SPATA13: variants seen among roughly 807,000 people sequenced by gnomAD.
SPATA13 encodes spermatogenesis-associated protein 13.
SPATA13 carries 50 observed loss-of-function variants against 104.0 expected under a neutral mutation model. The observed-to-expected ratio is 0.48, with a 90% CI of 0.38 to 0.61. The LOEUF (loss-of-function observed/expected upper bound fraction) is 0.61. Among genes scored for constraint, SPATA13 ranks in the 20% least tolerant of loss-of-function variants. The pLI is 0.00. For synonymous variants in SPATA13, 606 were observed against 667.5 expected, an observed-to-expected ratio of 0.91 and a Z score of 1.42; for missense variants, 1,524 against 1,690.6, an observed-to-expected ratio of 0.90 and a Z score of 1.73.
chr13:24,139,895 G>A (rs952380121), intron 3 of SPATA13, among the ~76,000 whole-genome samples: 7 of 152,052 alleles, frequency 4.6e-5, no homozygotes, highest in South Asian at 2.1e-4. Flanking sequence ...GTGAAACCCT[G>A]TCTCTACTAA....
Position 24,225,972 on chromosome 13 carries a change from T to A in SPATA13, c.1653+1390T>A, listed in dbSNP as rs181386950. On this transcript the variant is annotated intron_variant, in intron 2 of 12. Transcript: ENST00000382108. ...AGGGTGAGCAAGGCTGAGAAGAGCTTTATTGGGTGACTGAACAACTCTCAG... is the reference window on the plus strand; with the variant it reads ...AGGGTGAGCAAGGCTGAGAAGAGCTATATTGGGTGACTGAACAACTCTCAG... Among the ~76,000 whole-genome samples, 8 of 152,254 alleles carry A rather than the reference T, an allele frequency of 5.3e-5. No individual in the cohort carries two copies. The East Asian group carries it at 7.7e-4, about 15-fold the overall frequency.
At chr13:24,149,111 G>A (rs770710834) in intron 3 of SPATA13, among the ~76,000 whole-genome samples, 1 of 152,214 alleles carries the variant, frequency 6.6e-6, no homozygotes, top group Non-Finnish European at 1.5e-5. Flanking sequence ...GAAGCCATGG[G>A]GCAGATGAAA....
upstream of SPATA13, among the ~76,000 whole-genome samples, chr13:24,158,419 T>TCTACG (rs1448869190): frequency 6.6e-6 from 1 of 152,168 alleles, no homozygotes; most frequent in African/African-American, 2.4e-5. Context: ...GAAGGAAATT[T>TCTACG]AGCTATTGCT....
chr13:24,270,278 G>A (rs1240568824), intron 4 of SPATA13, among the ~76,000 whole-genome samples: 1 of 152,140 alleles, frequency 6.6e-6, no homozygotes, highest in Non-Finnish European at 1.5e-5. Context: ...ACCTTTACAT[G>A]TATGCCTTTA....
chr13:24,147,082 A>G (rs530620287), intron 3 of SPATA13, among the ~76,000 whole-genome samples: 23 of 152,334 alleles, frequency 1.5e-4, no homozygotes, highest in Admixed American at 6.5e-4. Flanking sequence ...CCAAGCATGC[A>G]TTGGATGGAA....
intron 4 of SPATA13, among the ~76,000 whole-genome samples, chr13:24,267,614 CA>C (rs905308143): frequency 6.0e-5 from 9 of 150,306 alleles, no homozygotes; most frequent in East Asian, 1.9e-4. Flanking sequence ...TGATTTTAAC[CA>C]AAAAAAAAAT....
Position 24,223,116 on chromosome 13 carries a change from C to T in SPATA13, c.187C>T (p.Gln63Ter). 1 of 1,551,744 alleles carries T rather than the reference C, an allele frequency of 6.4e-7. No homozygotes were observed. The highest frequency in any genetic ancestry group is 8.7e-7 in the Non-Finnish European group (1 of 1,147,010). ...GCSPGGDTDT[Q>*]EAKLSPAKLV... Reference sequence around the variant, plus strand: ...CAGCCCTGGTGGCGACACGGACACCCAGGAAGCCAAACTCAGCCCAGCCAA... The same window carrying T: ...CAGCCCTGGTGGCGACACGGACACCTAGGAAGCCAAACTCAGCCCAGCCAA... Residue 63 changes from glutamine (Q) to a stop codon, truncating the protein, a stop_gained, in exon 2 of 13, where the codon CAG becomes TAG. Transcript: ENST00000382108. LOFTEE classifies it high-confidence loss of function.
chr13:24,176,396 CT>C (rs1315250439), intron 1 of SPATA13, among the ~76,000 whole-genome samples: 3 of 152,184 alleles, frequency 2.0e-5, no homozygotes, highest in Non-Finnish European at 4.4e-5. Context: ...TGGTCTATTA[CT>C]TTTCATGTAA....
At chr13:24,171,676 A>C (rs1882975316) in intron 1 of SPATA13, among the ~76,000 whole-genome samples, 1 of 152,214 alleles carries the variant, frequency 6.6e-6, no homozygotes. Context: ...AGGTTTGGCT[A>C]TTCAAGAAAA....
intron 3 of SPATA13, among the ~76,000 whole-genome samples, chr13:24,149,426 T>C (rs932657946): frequency 2.6e-5 from 4 of 152,214 alleles, no homozygotes; most frequent in African/African-American, 9.7e-5. Context: ...ACCCTGGCAT[T>C]TTGCCTGTCT....
chr13:24,124,934 A>G (rs1314491983), intron 3 of SPATA13, among the ~76,000 whole-genome samples: 1 of 152,146 alleles, frequency 6.6e-6, no homozygotes, highest in Admixed American at 6.6e-5. Flanking sequence ...ACCAAGTCTC[A>G]TTCAGGTCAA....
At position 24,289,034 on chromosome 13, in the gene SPATA13, G is replaced by A. The variant is rs746590103; in HGVS notation, c.2703G>A (p.Met901Ile). 6.2e-7 allele frequency: 1 copy of A among 1,613,382 alleles called. No homozygotes were observed. Among genetic ancestry groups the A allele is most frequent in the African/African-American group, 1.3e-5 (1 of 74,886 alleles). Reference sequence around the variant, plus strand: ...GACAGTGCCGCAAGCACACAGGAATGTTCACCGTTGCGCAGCTAGCCACTA... The same window carrying A: ...GACAGTGCCGCAAGCACACAGGAATATTCACCGTTGCGCAGCTAGCCACTA... ...YIRQCRKHTG[M>I]FTVAQLATIF... The change falls in exon 8 of 13, where the codon ATG becomes ATA. Residue 901 changes from methionine (M) to isoleucine (I), a missense_variant. Transcript: ENST00000382108.
At chr13:24,227,735 TA>T (rs1872025663) in intron 2 of SPATA13, among the ~76,000 whole-genome samples, 1 of 152,024 alleles carries the variant, frequency 6.6e-6, no homozygotes, top group African/African-American at 2.4e-5. Context: ...CATGCCAGCT[TA>T]ATTTTTGTAT....
chr13:24,293,714 C>T (rs1876562190), intron 9 of SPATA13, among the ~76,000 whole-genome samples: 1 of 152,232 alleles, frequency 6.6e-6, no homozygotes, highest in Non-Finnish European at 1.5e-5. Context: ...ATTATTTTGG[C>T]AGTCCCTGGT....
At chr13:24,172,270 G>C (rs1036386513) in intron 1 of SPATA13, among the ~76,000 whole-genome samples, 3 of 152,172 alleles carry the variant, frequency 2.0e-5, no homozygotes, top group Non-Finnish European at 2.9e-5. Flanking sequence ...TACTCTTTCA[G>C]ACATGTGGTT....
intron 1 of SPATA13, among the ~76,000 whole-genome samples, chr13:24,220,764 G>T (rs1871535865): frequency 6.6e-6 from 1 of 152,166 alleles, no homozygotes; most frequent in East Asian, 1.9e-4. Context: ...CCTTGTCCCG[G>T]GTGGAATCAA....
At chr13:24,264,964 G>T (rs1874227687) in intron 4 of SPATA13, among the ~76,000 whole-genome samples, 1 of 152,174 alleles carries the variant, frequency 6.6e-6, no homozygotes, top group African/African-American at 2.4e-5. Context: ...ATGATGAAGG[G>T]GTTCATTGAA....
At chr13:24,069,600 C>T (rs1311836949) in intron 3 of SPATA13, among the ~76,000 whole-genome samples, 3 of 152,074 alleles carry the variant, frequency 2.0e-5, no homozygotes, top group Non-Finnish European at 4.4e-5. Context: ...TATGTGGATG[C>T]CCTTTATTTA....
chr13:24,006,219 A>G (rs1053759636), intron 2 of SPATA13, among the ~76,000 whole-genome samples: 2 of 152,192 alleles, frequency 1.3e-5, no homozygotes, highest in Non-Finnish European at 2.9e-5. Context: ...AGTGTTCATT[A>G]GTGGTTTTTT....
Sources: allele counts gnomAD v4.1 joint callset (sites outside exome capture counted in the v4.1 genomes callset), GRCh38; gene constraint gnomAD v4.1.1; transcripts MANE v1.5; gene names NCBI Gene and HGNC (gene_info 2026-07-23, HGNC 2026-07-21).